The following SLC5A12 variants were observed in gnomAD, a reference collection of about 807,000 sequenced individuals.
SLC5A12 encodes the protein sodium-coupled monocarboxylate transporter 2.
Under a neutral mutation model 72.7 loss-of-function variants are expected in SLC5A12, and 46 were observed. The observed-to-expected ratio is 0.63, with a 90% confidence interval of 0.50 to 0.81. SLC5A12 has a LOEUF of 0.81. Ranked by LOEUF, SLC5A12 falls within the 30% of genes least tolerant of loss-of-function variation. The probability of loss-of-function intolerance (pLI) is 0.00; values close to 1 mark genes in which losing one functional copy is unlikely to be tolerated. For synonymous variants in SLC5A12, 275 were observed against 264.4 expected, an observed-to-expected ratio of 1.04 and a Z score of -0.39; for missense variants, 683 against 740.7, an observed-to-expected ratio of 0.92 and a Z score of 0.90.
intron 12 of SLC5A12, 122 bp from the exon 13 acceptor site, chr11:26,678,937 C>A: frequency 1.9e-6 from 1 of 525,674 alleles, no homozygotes; most frequent in South Asian, 3.7e-5. Flanking sequence ...AACTTTTTGT[C>A]ATTTAAAAAA....
chr11:26,694,052 G>A (rs1286079803), intron 8 of SLC5A12, among the ~76,000 whole-genome samples: 3 of 152,126 alleles, frequency 2.0e-5, no homozygotes, highest in African/African-American at 7.2e-5. Flanking sequence ...TGGGCGGGAG[G>A]GAGCAGAAAG....
chr11:26,675,925 G>A (rs982639504), intron 13 of SLC5A12, among the ~76,000 whole-genome samples: 1 of 151,464 alleles, frequency 6.6e-6, no homozygotes, highest in Non-Finnish European at 1.5e-5. Flanking sequence ...AGAAAGAATG[G>A]CATGAGTGTG....
At position 26,667,237 on chromosome 11, in the gene SLC5A12, T is replaced by A. The variant is rs967092070; in HGVS notation, c.*3865A>T. 1 of 151,942 alleles carries A rather than the reference T, an allele frequency of 6.6e-6. No individual in the cohort carries two copies. The highest frequency in any genetic ancestry group is 2.4e-5 in the African/African-American group (1 of 41,438). 9.4% of individuals were successfully genotyped at this position (151,942 alleles called of 1,614,324 possible). On this transcript the variant is annotated 3_prime_UTR_variant, in exon 15 of 15. Transcript: ENST00000396005. ...ACTTGTAAATATACAAATGTGCATG[T>A]ACATACAGCTATAACTTCTGTAATA...
At chr11:26,720,107 A>C (rs1402789959) in intron 1 of SLC5A12, among the ~76,000 whole-genome samples, 1 of 152,116 alleles carries the variant, frequency 6.6e-6, no homozygotes, top group African/African-American at 2.4e-5. Context: ...CTTACACAGT[A>C]TATGTTTATT....
chr11:26,721,888 G>A lies in SLC5A12; in HGVS notation c.-174C>T, dbSNP rs1590747583. The A allele has an allele frequency of 5.2e-5, 32 of 620,062 alleles. No homozygotes were observed. In the East Asian group the frequency reaches 5.3e-4, roughly 10 times the overall value. The allele number at this position is 620,062 out of a possible 1,614,324, so 38.4% of individuals were successfully genotyped here. ...ATCTTCAGACACCAACGTGTACTTAGTGAAGATCTCAAAAGTTGACTTCAA... is the reference window on the plus strand; with the variant it reads ...ATCTTCAGACACCAACGTGTACTTAATGAAGATCTCAAAAGTTGACTTCAA... On this transcript the variant is annotated 5_prime_UTR_variant, in exon 1 of 15. Coordinates refer to ENST00000396005, the MANE Select transcript of SLC5A12 (RefSeq NM_178498.4).
intron 1 of SLC5A12, among the ~76,000 whole-genome samples, chr11:26,713,549 T>C (rs147042612): frequency 3.0e-4 from 46 of 152,216 alleles, no homozygotes; most frequent in African/African-American, 1.1e-3. Flanking sequence ...AAGACTTAGA[T>C]CATTGATGAA....
intron 6 of SLC5A12, among the ~76,000 whole-genome samples, chr11:26,699,336 T>C (rs1205809476): frequency 2.6e-5 from 4 of 152,164 alleles, no homozygotes; most frequent in Non-Finnish European, 4.4e-5. Flanking sequence ...GATCTAGTCA[T>C]TGTTTGAAGG....
intron 13 of SLC5A12, among the ~76,000 whole-genome samples, chr11:26,677,010 C>T (rs1029537563): frequency 2.6e-5 from 4 of 152,156 alleles, no homozygotes; most frequent in African/African-American, 9.7e-5. Context: ...TACATTTAAA[C>T]ATTGTAAGAC....
At chr11:26,687,207 T>C (rs1854558421) in intron 9 of SLC5A12, among the ~76,000 whole-genome samples, 3 of 152,194 alleles carry the variant, frequency 2.0e-5, no homozygotes, top group South Asian at 2.1e-4. Flanking sequence ...AAAAATAATA[T>C]CTTCTTCTAA....
At chr11:26,685,737 T>G (rs1426804654) in intron 10 of SLC5A12, among the ~76,000 whole-genome samples, 1 of 152,160 alleles carries the variant, frequency 6.6e-6, no homozygotes, top group East Asian at 1.9e-4. Flanking sequence ...AGAATGGGGA[T>G]GGGTGGCTCA....
chr11:26,692,421 C>A (rs1056541640), intron 9 of SLC5A12, 68 bp downstream of exon 9: 1 of 1,064,138 alleles, frequency 9.4e-7, no homozygotes, highest in East Asian at 2.4e-5. Context: ...ATAGCACATG[C>A]AGGATTTTGA....
In SLC5A12 at chr11:26,667,971, C is replaced by T. The variant is rs1854038137; in HGVS notation, c.*3131G>A. The T allele has an allele frequency of 6.6e-6, 1 of 151,996 alleles. No individual in the cohort carries two copies. The highest frequency in any genetic ancestry group is 2.4e-5 in the African/African-American group (1 of 41,420). 9.4% of individuals were successfully genotyped at this position (151,996 alleles called of 1,614,324 possible). On this transcript the variant is annotated 3_prime_UTR_variant, in exon 15 of 15. Transcript: ENST00000396005. ...ACTGCAGACCAAGTATTAAATGTTC[C>T]ATGTGGGCCAGTCACACTGTGCTAA...
chr11:26,719,489 A>G (rs1245536169), intron 1 of SLC5A12, among the ~76,000 whole-genome samples: 7 of 152,016 alleles, frequency 4.6e-5, no homozygotes, highest in African/African-American at 1.4e-4. Flanking sequence ...CACTAGCTCC[A>G]CTGAGACCCC....
chr11:26,679,669 A>G (rs1191112941), intron 12 of SLC5A12, among the ~76,000 whole-genome samples: 1 of 152,166 alleles, frequency 6.6e-6, no homozygotes, highest in Admixed American at 6.6e-5. Flanking sequence ...TGTAGGAAAG[A>G]GTGGGATAAG....
intron 13 of SLC5A12, among the ~76,000 whole-genome samples, chr11:26,677,496 A>T (rs745697214): frequency 7.9e-4 from 121 of 152,290 alleles, no homozygotes; most frequent in Non-Finnish European, 1.4e-3. Flanking sequence ...CCGATCACTA[A>T]ACTGAAATGT....
intron 3 of SLC5A12, among the ~76,000 whole-genome samples, chr11:26,710,085 T>A (rs1855186474): frequency 6.6e-6 from 1 of 152,106 alleles, no homozygotes; most frequent in African/African-American, 2.4e-5. Flanking sequence ...TTCTCTTTGT[T>A]CAACTGTCAC....
intron 6 of SLC5A12, among the ~76,000 whole-genome samples, chr11:26,701,487 C>G (rs1024129550): frequency 3.3e-5 from 5 of 152,074 alleles, no homozygotes; most frequent in African/African-American, 1.2e-4. Context: ...TCACTAAATA[C>G]TAGTACAACA....
chr11:26,684,569 C>CA (rs1313098430), intron 10 of SLC5A12, among the ~76,000 whole-genome samples: 1 of 152,098 alleles, frequency 6.6e-6, no homozygotes, highest in Non-Finnish European at 1.5e-5. Context: ...TCTTGCCTAT[C>CA]AACATCTCTT....
intron 12 of SLC5A12, among the ~76,000 whole-genome samples, chr11:26,680,317 G>GAA (rs1854368399): frequency 2.5e-5 from 3 of 121,610 alleles, no homozygotes; most frequent in South Asian, 2.5e-4. Context: ...ATATATATAT[G>GAA]TATATATATT....
Sources: gnomAD v4.1 joint callset for allele counts (sites outside exome capture counted in the v4.1 genomes callset) on GRCh38, gnomAD v4.1.1 for gene constraint, MANE v1.5 for transcripts, NCBI Gene and HGNC (gene_info 2026-07-23, HGNC 2026-07-21) for gene names.